PTPRT: variants seen among roughly 807,000 people sequenced by gnomAD.
PTPRT encodes the protein protein tyrosine phosphatase receptor type T.
A neutral mutation model predicts 176.8 loss-of-function variants in PTPRT; 56 were observed. The observed-to-expected ratio is 0.32, with a 90% CI of 0.26 to 0.40. The LOEUF is 0.40. PTPRT is among the 10% of genes least tolerant of loss of function. The pLI, the probability that PTPRT is intolerant of heterozygous loss-of-function variation, is 1.00. For synonymous variants in PTPRT, 783 were observed against 739.0 expected (o/e 1.06, Z -0.96); for missense variants, 1,540 against 1,908.2 (o/e 0.81, Z 3.60).
chr20:42,526,313 T>G (rs1188334981), intron 7 of PTPRT, among the ~76,000 whole-genome samples: 1 of 152,212 alleles, frequency 6.6e-6, no homozygotes, highest in African/African-American at 2.4e-5. Context: ...TCATTTTCTC[T>G]CTAATGCTTT....
In PTPRT at chr20:42,080,611, CT is replaced by C; in HGVS notation, c.*267del. The C allele has an allele frequency of 2.9e-6, 1 of 350,378 alleles. No homozygotes were observed. Among genetic ancestry groups the C allele is most frequent in the Non-Finnish European group, 5.3e-6 (1 of 189,412 alleles). The allele number at this position is 350,378 out of a possible 1,614,324, so 21.7% of individuals were successfully genotyped here. On this transcript the variant is annotated 3_prime_UTR_variant, in exon 31 of 31. Transcript: ENST00000373187. ...TGGGAGCCAGAAATCCAAGGCCTTG[CT>C]TGTGGGTGTACTTCTGCTTGGGCCC... is the stretch of plus-strand genomic sequence containing the variant.
intron 1 of PTPRT, among the ~76,000 whole-genome samples, chr20:42,989,497 C>T (rs968068236): frequency 1.3e-5 from 2 of 152,150 alleles, no homozygotes; most frequent in African/African-American, 4.8e-5. Context: ...GAGCACTGGG[C>T]TTTCCCAGTG....
chr20:42,048,947 A>G, the PTPRT span, among the ~76,000 whole-genome samples: 1 of 151,902 alleles, frequency 6.6e-6, no homozygotes. Flanking sequence ...TCAGCCTCCC[A>G]AGTAGCTGGG....
chr20:42,423,723 A>G (rs1040084499), intron 9 of PTPRT, among the ~76,000 whole-genome samples: 11 of 152,260 alleles, frequency 7.2e-5, no homozygotes, highest in African/African-American at 2.4e-4. Flanking sequence ...ATGATTTTCC[A>G]TAATGGATAA....
intron 9 of PTPRT, among the ~76,000 whole-genome samples, chr20:42,371,769 C>T (rs1204620665): frequency 2.0e-5 from 3 of 152,198 alleles, no homozygotes; most frequent in Middle Eastern, 3.2e-3. Flanking sequence ...CTCAACTACA[C>T]TGGCTGGTAA....
chr20:43,176,316 C>G (rs1017155490), intron 1 of PTPRT, among the ~76,000 whole-genome samples: 8 of 152,128 alleles, frequency 5.3e-5, no homozygotes, highest in Non-Finnish European at 1.0e-4. Context: ...CCACTGTACT[C>G]TAGCCTGGCA....
At position 42,352,140 on chromosome 20, in the gene PTPRT, C is replaced by A. The variant is rs1270678016; in HGVS notation, c.1706G>T (p.Ser569Ile). 6.2e-7 allele frequency: 1 copy of A among 1,614,170 alleles called. No homozygotes were observed. Among genetic ancestry groups the A allele is most frequent in the East Asian group, 2.2e-5 (1 of 44,874 alleles). Residue 569 changes from serine (S) to isoleucine (I), a missense_variant, in exon 10 of 31, where the codon AGC (serine) becomes ATC (isoleucine). Physicochemically the swap from Ser to Ile is moderately radical, Grantham distance 142. This residue lies in a region of PTPRT where 136 missense variants were observed against 135.0 expected (regional missense o/e 1.01). Transcript: ENST00000373187. ...GTTYSFTIKASTAKGFGPPVT... is the reference protein window; with the variant it reads ...GTTYSFTIKAITAKGFGPPVT... ...AGGGGGCCCAAAGCCCTTTGCTGTG[C>A]TGGCCTTGATGGTGAAGGAATAGGT...
intron 7 of PTPRT, among the ~76,000 whole-genome samples, chr20:42,606,159 GT>G (rs2073873280): frequency 6.6e-6 from 1 of 152,148 alleles, no homozygotes; most frequent in Non-Finnish European, 1.5e-5. Context: ...CTCTGGCTGT[GT>G]TTTGTGACTC....
chr20:42,365,129 T>G (rs1172102224), intron 9 of PTPRT, among the ~76,000 whole-genome samples: 1 of 152,220 alleles, frequency 6.6e-6, no homozygotes. Flanking sequence ...TATTCCAACA[T>G]GTATTCAACA....
intron 9 of PTPRT, among the ~76,000 whole-genome samples, chr20:42,438,453 C>A (rs1232211507): frequency 6.6e-6 from 1 of 152,156 alleles, no homozygotes; most frequent in African/African-American, 2.4e-5. Context: ...ACAGACATAG[C>A]CCTGTGTCTC....
chr20:42,510,176 G>T (rs1432478581), intron 7 of PTPRT, among the ~76,000 whole-genome samples: 1 of 152,032 alleles, frequency 6.6e-6, no homozygotes, highest in Non-Finnish European at 1.5e-5. Context: ...GAGTCCAAAA[G>T]CACCATCATG....
intron 6 of PTPRT, among the ~76,000 whole-genome samples, chr20:42,679,852 G>T (rs544598276): frequency 2.2e-4 from 34 of 152,176 alleles, no homozygotes; most frequent in African/African-American, 7.7e-4. Flanking sequence ...GGTAAATAAT[G>T]CTGCAATGAA....
chr20:42,215,986 G>A (rs1283087076), intron 15 of PTPRT, among the ~76,000 whole-genome samples: 3 of 152,200 alleles, frequency 2.0e-5, no homozygotes, highest in Admixed American at 6.5e-5. Context: ...AACAAAGCCT[G>A]TATGTGGATA....
chr20:43,004,482 G>A (rs941433959), intron 1 of PTPRT, among the ~76,000 whole-genome samples: 4 of 152,114 alleles, frequency 2.6e-5, no homozygotes, highest in African/African-American at 7.2e-5. Context: ...TGACAGACTG[G>A]CAAAAATTCA....
intron 6 of PTPRT, among the ~76,000 whole-genome samples, chr20:42,705,374 A>AG (rs1199255366): frequency 2.4e-5 from 3 of 123,670 alleles, no homozygotes; most frequent in African/African-American, 6.3e-5. Context: ...GGTTTGGGAT[A>AG]GGTGGTGGAG....
chr20:42,590,434 C>T (rs1601330273), intron 7 of PTPRT, among the ~76,000 whole-genome samples: 2 of 152,200 alleles, frequency 1.3e-5, no homozygotes, highest in African/African-American at 4.8e-5. Flanking sequence ...TACTATGTGC[C>T]AGGCATTGTG....
chr20:42,283,168 G>T (rs1014747716), intron 12 of PTPRT, among the ~76,000 whole-genome samples: 1 of 152,142 alleles, frequency 6.6e-6, no homozygotes, highest in Non-Finnish European at 1.5e-5. Context: ...TCATAAATGT[G>T]TGATGTTGCT....
intron 12 of PTPRT, among the ~76,000 whole-genome samples, chr20:42,308,003 G>A (rs962196686): frequency 3.9e-5 from 6 of 151,982 alleles, no homozygotes; most frequent in South Asian, 4.2e-4. Flanking sequence ...CACTTCTACC[G>A]GCACCATGAC....
intron 7 of PTPRT, among the ~76,000 whole-genome samples, chr20:42,562,439 T>A (rs2072967965): frequency 1.3e-5 from 2 of 152,240 alleles, no homozygotes; most frequent in Non-Finnish European, 2.9e-5. Context: ...AGATAGCCAG[T>A]CCCTTTCTGT....
Sources: gnomAD v4.1 joint callset for allele counts (sites outside exome capture counted in the v4.1 genomes callset) on GRCh38, gnomAD v4.1.1 for gene constraint, gnomAD v4.1.1 regional missense constraint, MANE v1.5 for transcripts, NCBI Gene and HGNC (gene_info 2026-07-23, HGNC 2026-07-21) for gene names.